EHBP1: variants seen among roughly 807,000 people sequenced by gnomAD.
The protein encoded by EHBP1 is EH domain-binding protein 1.
Under a neutral mutation model 144.0 loss-of-function variants are expected in EHBP1, and 55 were observed. That is an observed-to-expected ratio of 0.38 (90% CI 0.31 to 0.48). EHBP1 has a LOEUF of 0.48. EHBP1 is among the 20% of genes least tolerant of loss of function. The pLI is 0.98. For missense variants in EHBP1, 1,200 were observed against 1,364.2 expected, an observed-to-expected ratio of 0.88 and a Z score of 1.90; for synonymous variants, 469 against 472.7, an observed-to-expected ratio of 0.99 and a Z score of 0.10.
At chr2:62,806,958 T>A (rs557170747) in intron 5 of EHBP1, among the ~76,000 whole-genome samples, 35 of 152,316 alleles carry the variant, frequency 2.3e-4, no homozygotes, top group Non-Finnish European at 4.6e-4. Context: ...CCTCAGTATC[T>A]GCAGGGATTG....
At chr2:62,984,413 A>G (rs149010593) in intron 15 of EHBP1, among the ~76,000 whole-genome samples, 7 of 152,344 alleles carry the variant, frequency 4.6e-5, no homozygotes, top group African/African-American at 1.4e-4. Flanking sequence ...CTGCACACAC[A>G]GTACATAGCA....
rs1256966434 is a variant in EHBP1 at position 62,801,025 on chromosome 2, C to T, written c.313-25062C>T. ...GGCACCACCTCTAAGAGAAAAGTTA[C>T]AGACCTTGCTGGATTTTTATATCCT... On this transcript the variant is annotated intron_variant, in intron 5 of 22. Transcript: ENST00000431489. 3.3e-5 allele frequency among the ~76,000 whole-genome samples: 5 copies of T among 152,206 alleles called. No individual in the cohort carries two copies. The East Asian group carries it at 7.7e-4, about 23-fold the overall frequency.
chr2:62,954,036 G>C (rs891336784), intron 13 of EHBP1, among the ~76,000 whole-genome samples: 3 of 152,124 alleles, frequency 2.0e-5, no homozygotes, highest in Non-Finnish European at 4.4e-5. Context: ...AGTACATTAT[G>C]CTATTATTTA....
intron 8 of EHBP1, among the ~76,000 whole-genome samples, chr2:62,860,932 TA>T (rs1450183129): frequency 4.6e-5 from 7 of 152,138 alleles, no homozygotes; most frequent in African/African-American, 1.7e-4. Context: ...ATATGCCTAT[TA>T]GAGTCTTTAG....
Position 62,864,084 on chromosome 2 carries a change from G to A in EHBP1, c.758-647G>A, listed in dbSNP as rs572203427. 1.1e-4 allele frequency among the ~76,000 whole-genome samples: 17 copies of A among 152,078 alleles called. No homozygotes were observed. The South Asian group carries it at 3.5e-3, about 32-fold the overall frequency. On this transcript the variant is annotated intron_variant, in intron 8 of 22. Transcript: ENST00000431489. The stretch of plus-strand genomic sequence containing the variant: ...CTGGTCTTGAACTCCTTGACCTCAA[G>A]TGATCTACCCACCTCGGCCTCCCAA...
chr2:62,715,394 G>A (rs1444733383), intron 2 of EHBP1, among the ~76,000 whole-genome samples: 1 of 151,700 alleles, frequency 6.6e-6, no homozygotes, highest in Non-Finnish European at 1.5e-5. Context: ...GATTACAGAT[G>A]TGAGCCACCG....
chr2:62,936,879 A>T (rs905201719), intron 10 of EHBP1, among the ~76,000 whole-genome samples: 3 of 152,182 alleles, frequency 2.0e-5, no homozygotes, highest in African/African-American at 7.2e-5. Context: ...GATATATTCA[A>T]AGTTCCCTCA....
intron 19 of EHBP1, among the ~76,000 whole-genome samples, chr2:63,034,360 A>G (rs2061376470): frequency 6.6e-6 from 1 of 152,030 alleles, no homozygotes; most frequent in African/African-American, 2.4e-5. Flanking sequence ...TTAAATGGTG[A>G]AACTGAAAAA....
intron 19 of EHBP1, among the ~76,000 whole-genome samples, chr2:63,025,293 G>T (rs2153311872): frequency 6.6e-6 from 1 of 152,292 alleles, no homozygotes; most frequent in South Asian, 2.1e-4. Context: ...ACAGGGTTTT[G>T]ATCTGTCACC....
chr2:62,954,385 G>A (rs768198379), intron 13 of EHBP1, among the ~76,000 whole-genome samples: 13 of 151,986 alleles, frequency 8.6e-5, no homozygotes, highest in Admixed American at 1.3e-4. Context: ...TAGACTTATC[G>A]TTATCACTTA....
rs200464967 is a variant in EHBP1, at chr2:62,874,501, C to T, written c.1154C>T (p.Ser385Phe). 6.2e-7 allele frequency: 1 copy of T among 1,606,272 alleles called. No individual in the cohort carries two copies. Among genetic ancestry groups the T allele is most frequent in the Non-Finnish European group, 8.5e-7 (1 of 1,176,778 alleles). Residue 385 changes from serine (S) to phenylalanine (F), a missense_variant, in exon 10 of 23, where the codon TCT becomes TTT. This residue lies in a region of EHBP1 where 266 missense variants were observed against 262.4 expected (regional missense o/e 1.01). Transcript: ENST00000431489. ...GGAGTATTAAATGAAAACACAGTTTCTGCAGGAAAAGATCTCTCTACTTCT... is the reference window on the plus strand; with the variant it reads ...GGAGTATTAAATGAAAACACAGTTTTTGCAGGAAAAGATCTCTCTACTTCT... ...KTGVLNENTVSAGKDLSTSPK... is the reference protein window; with the variant it reads ...KTGVLNENTVFAGKDLSTSPK...
chr2:62,902,058 C>A lies in EHBP1; in HGVS notation c.1185+27526C>A, dbSNP rs1434958734. Among the ~76,000 whole-genome samples the A allele has an allele frequency of 2.0e-5, 3 of 151,996 alleles. No homozygotes were observed. The East Asian group carries it at 5.8e-4, about 29-fold the overall frequency. The stretch of plus-strand genomic sequence containing the variant: ...ATATGGTTATAATATTTATAACACA[C>A]AACTTCCAGGTTGGAGGCCTACCTG... On this transcript the variant is annotated intron_variant, in intron 10 of 22. Transcript: ENST00000431489.
chr2:62,709,767 A>G (rs1297397452), intron 2 of EHBP1, among the ~76,000 whole-genome samples: 1 of 152,002 alleles, frequency 6.6e-6, no homozygotes, highest in East Asian at 1.9e-4. Context: ...TAGTACCCCC[A>G]ATACTTCTTG....
intron 10 of EHBP1, among the ~76,000 whole-genome samples, chr2:62,923,111 C>T (rs983811031): frequency 6.6e-6 from 1 of 152,162 alleles, no homozygotes; most frequent in Non-Finnish European, 1.5e-5. Flanking sequence ...TCTCTGGGGG[C>T]ACATAGTCAC....
chr2:63,020,319 G>A (rs1254748569), intron 19 of EHBP1, among the ~76,000 whole-genome samples: 2 of 116,100 alleles, frequency 1.7e-5, no homozygotes, highest in Non-Finnish European at 3.4e-5. Context: ...GTGAGACTCT[G>A]TCTCAAAAAA....
chr2:62,947,498 A>G (rs1008503760), intron 12 of EHBP1, among the ~76,000 whole-genome samples: 19 of 152,206 alleles, frequency 1.2e-4, no homozygotes, highest in African/African-American at 4.6e-4. Flanking sequence ...CTGAGAGTAT[A>G]TCTAAACCTT....
At chr2:62,870,724 A>G (rs1164828421) in intron 9 of EHBP1, among the ~76,000 whole-genome samples, 4 of 147,976 alleles carry the variant, frequency 2.7e-5, no homozygotes, top group Non-Finnish European at 5.9e-5. Context: ...TCAAAAAAAA[A>G]AAAAAAAAAA....
At chr2:62,811,095 C>G (rs2044964283) in intron 5 of EHBP1, among the ~76,000 whole-genome samples, 1 of 152,240 alleles carries the variant, frequency 6.6e-6, no homozygotes, top group East Asian at 1.9e-4. Flanking sequence ...AGATTTTATT[C>G]TAAAATCAAT....
chr2:62,809,740 A>G (rs2044830126), intron 5 of EHBP1, among the ~76,000 whole-genome samples: 1 of 152,278 alleles, frequency 6.6e-6, no homozygotes, highest in Non-Finnish European at 1.5e-5. Context: ...CTGATAAGTG[A>G]GTACATGCAG....
Sources: gnomAD v4.1 joint callset for allele counts (sites outside exome capture counted in the v4.1 genomes callset) on GRCh38, gnomAD v4.1.1 for gene constraint, gnomAD v4.1.1 regional missense constraint, MANE v1.5 for transcripts, NCBI Gene and HGNC (gene_info 2026-07-23, HGNC 2026-07-21) for gene names.